Variants in EIF4G3 observed in about 807,000 individuals in gnomAD.
EIF4G3 encodes the protein eukaryotic translation initiation factor 4 gamma 3.
In EIF4G3, 34 loss-of-function variants were observed where a neutral mutation model predicts 186.4. The observed-to-expected ratio is 0.18, with a 90% CI of 0.14 to 0.24. The LOEUF is 0.24. Ranked by LOEUF, EIF4G3 falls within the 10% of genes least tolerant of loss-of-function variation. The pLI is 1.00. For synonymous variants in EIF4G3, 673 were observed against 679.5 expected, an observed-to-expected ratio of 0.99 and a Z score of 0.15; for missense variants, 1,536 against 1,948.5, an observed-to-expected ratio of 0.79 and a Z score of 3.99.
chr1:21,134,405 A>G (rs2097203004), intron 2 of EIF4G3, among the ~76,000 whole-genome samples: 1 of 152,210 alleles, frequency 6.6e-6, no homozygotes, highest in African/African-American at 2.4e-5. Flanking sequence ...GTGGTGGCTC[A>G]CACCTATAAT....
chr1:20,925,291 A>G (rs1385914590), intron 14 of EIF4G3, among the ~76,000 whole-genome samples: 1 of 152,194 alleles, frequency 6.6e-6, no homozygotes, highest in Non-Finnish European at 1.5e-5. Context: ...GTATAATATC[A>G]TGTCAAAGGG....
At chr1:20,887,431 C>G (rs913039726) in intron 18 of EIF4G3, among the ~76,000 whole-genome samples, 2 of 152,092 alleles carry the variant, frequency 1.3e-5, no homozygotes, top group African/African-American at 2.4e-5. Context: ...GGCGATAACA[C>G]AGTCTGGGGC....
intron 3 of EIF4G3, among the ~76,000 whole-genome samples, chr1:21,079,506 G>GAAA (rs35855765): frequency 1.7e-4 from 17 of 100,630 alleles, no homozygotes; most frequent in African/African-American, 4.7e-4. Context: ...TGTCTCTACA[G>GAAA]AAAAAAAAAA....
At chr1:21,028,394 T>TAAACCTCAAAATGC (rs1553155673) in intron 4 of EIF4G3, among the ~76,000 whole-genome samples, 1 of 152,178 alleles carries the variant, frequency 6.6e-6, no homozygotes, top group African/African-American at 2.4e-5. Flanking sequence ...ATTCAAAATG[T>TAAACCTCAAAATGC]AAACCTCAAA....
intron 4 of EIF4G3, among the ~76,000 whole-genome samples, chr1:21,027,286 G>C (rs1355046425): frequency 1.6e-4 from 24 of 146,528 alleles, no homozygotes; most frequent in Admixed American, 9.7e-4. Context: ...TCCACCTCCC[G>C]GGTTCAAGTG....
At chr1:20,974,835 A>G (rs1428426002) in intron 10 of EIF4G3, among the ~76,000 whole-genome samples, 2 of 152,182 alleles carry the variant, frequency 1.3e-5, no homozygotes, top group Non-Finnish European at 2.9e-5. Context: ...TACACACATA[A>G]AAGATTGGCT....
chr1:20,813,956 T>TTG (rs2059817718), intron 34 of EIF4G3, among the ~76,000 whole-genome samples: 2 of 137,900 alleles, frequency 1.5e-5, no homozygotes. Context: ...TGTTTTTTTT[T>TTG]TTTTTTTTTT....
intron 14 of EIF4G3, among the ~76,000 whole-genome samples, chr1:20,905,248 T>G (rs775789114): frequency 6.6e-6 from 1 of 152,130 alleles, no homozygotes; most frequent in Non-Finnish European, 1.5e-5. Flanking sequence ...ATGTGATGAG[T>G]ACATACATAA....
chr1:20,934,356 G>A (rs1197520053), intron 14 of EIF4G3, among the ~76,000 whole-genome samples: 2 of 152,138 alleles, frequency 1.3e-5, no homozygotes, highest in East Asian at 1.9e-4. Flanking sequence ...CAGCTAAATG[G>A]TTATATGGGA....
intron 17 of EIF4G3, among the ~76,000 whole-genome samples, chr1:20,893,885 A>G (rs1234763010): frequency 1.3e-5 from 2 of 148,698 alleles, no homozygotes; most frequent in Non-Finnish European, 3.0e-5. Flanking sequence ...GGGGCTATAC[A>G]TAATCAGCAG....
At chr1:21,082,522 G>A (rs910593447) in intron 3 of EIF4G3, among the ~76,000 whole-genome samples, 1 of 152,076 alleles carries the variant, frequency 6.6e-6, no homozygotes, top group Admixed American at 6.6e-5. Context: ...GGAGATGGAG[G>A]TTGCAGTGAG....
chr1:21,063,593 AC>A (rs2095049658), intron 3 of EIF4G3, among the ~76,000 whole-genome samples: 1 of 151,732 alleles, frequency 6.6e-6, no homozygotes, highest in Non-Finnish European at 1.5e-5. Context: ...TGCACTAATA[AC>A]TTTTTTTTTT....
intron 4 of EIF4G3, among the ~76,000 whole-genome samples, chr1:21,005,246 T>C (rs2084737281): frequency 6.6e-6 from 1 of 152,134 alleles, no homozygotes; most frequent in Non-Finnish European, 1.5e-5. Context: ...AATATAGTTT[T>C]AAAAGAGAGC....
rs767931823 is a variant in EIF4G3, at chr1:20,862,218, T to TC, written c.3111+9dup. The TC allele has an allele frequency of 6.6e-6, 10 of 1,518,908 alleles. No homozygotes were observed. The highest frequency in any genetic ancestry group is 5.8e-5 in the Admixed American group (3 of 51,338). The allele number at this position is 1,518,908 out of a possible 1,614,324, so 94.1% of individuals were successfully genotyped here. A position where few individuals can be genotyped will look rare whatever the true frequency, so the allele number is the denominator to read the frequency against. On this transcript the variant is annotated intron_variant, in intron 23 of 36. Coordinates refer to ENST00000602326, the MANE Select transcript of EIF4G3 (RefSeq NM_001391906.1). ...CCAGCAGGCTTATTATTATTTTTTTTCCCACTCACCAGCCTTAGGTCTATA... is the reference window on the plus strand; with the variant it reads ...CCAGCAGGCTTATTATTATTTTTTTTCCCCACTCACCAGCCTTAGGTCTATA...
chr1:20,950,054 C>A lies in EIF4G3; in HGVS notation c.772G>T (p.Ala258Ser). Reference protein sequence around the residue: ...SPVVYGTVESAHLAASTPVTA... With the variant: ...SPVVYGTVESSHLAASTPVTA... ...ACAGGGGTGCTGGCAGCAAGATGAG[C>A]GCTCTCCACAGTCCCATAAACCACA... The change falls in exon 13 of 37, where the codon GCT (alanine) becomes TCT (serine). Residue 258 changes from alanine (A) to serine (S), a missense_variant. Around this residue, in one of 11 missense-constraint regions of EIF4G3, gnomAD observed 560 missense variants for 547.8 expected, o/e 1.02. Transcript: ENST00000602326. 1 of 1,613,268 alleles carries A rather than the reference C, an allele frequency of 6.2e-7. No homozygotes were observed. Among genetic ancestry groups the A allele is most frequent in the Non-Finnish European group, 8.5e-7 (1 of 1,179,596 alleles).
intron 29 of EIF4G3, among the ~76,000 whole-genome samples, chr1:20,845,168 C>T (rs566027622): frequency 2.6e-4 from 40 of 152,184 alleles, no homozygotes; most frequent in African/African-American, 7.2e-4. Context: ...TTCAATTTTC[C>T]GCTTATGACT....
In EIF4G3 at chr1:21,075,570, C is replaced by CAAAAAAAAAAAA. The variant is rs55649192; in HGVS notation, c.-196+13556_-196+13567dup. On this transcript the variant is annotated intron_variant, in intron 3 of 36. Coordinates refer to ENST00000602326, the MANE Select transcript of EIF4G3 (RefSeq NM_001391906.1). The stretch of plus-strand genomic sequence containing the variant: ...GGCAACAGAGTGAGACTCCAACTCA[C>CAAAAAAAAAAAA]AAAAAAAAAAAAAAAAAAAAAAAAA... Among the ~76,000 whole-genome samples, 13 of 51,554 alleles carry CAAAAAAAAAAAA rather than the reference C, an allele frequency of 2.5e-4. 1 individual carries two copies. Among genetic ancestry groups the CAAAAAAAAAAAA allele is most frequent in the South Asian group, 8.4e-4 (1 of 1,184 alleles). 33.8% of individuals were successfully genotyped at this position (51,554 alleles called of 152,430 possible). A position where few individuals can be genotyped will look rare whatever the true frequency, so the allele number is the denominator to read the frequency against.
At chr1:20,985,143 G>C (rs978848792) in intron 7 of EIF4G3, among the ~76,000 whole-genome samples, 3 of 152,110 alleles carry the variant, frequency 2.0e-5, no homozygotes, top group Admixed American at 6.5e-5. Flanking sequence ...ACACTGAAAG[G>C]ATGTAGCAGG....
chr1:20,828,253 A>G (rs1345284559), intron 31 of EIF4G3, among the ~76,000 whole-genome samples: 2 of 151,956 alleles, frequency 1.3e-5, no homozygotes, highest in Non-Finnish European at 1.5e-5. Flanking sequence ...GATGGTTTTG[A>G]TTTCCTGACC....
Sources: gnomAD v4.1 joint callset for allele counts (sites outside exome capture counted in the v4.1 genomes callset) on GRCh38, gnomAD v4.1.1 for gene constraint, gnomAD v4.1.1 regional missense constraint, MANE v1.5 for transcripts, NCBI Gene and HGNC (gene_info 2026-07-23, HGNC 2026-07-21) for gene names.